IGF2R: variants seen among roughly 807,000 people sequenced by gnomAD.
IGF2R encodes the protein insulin like growth factor 2 receptor.
Under a neutral mutation model 270.6 loss-of-function variants are expected in IGF2R, and 91 were observed. The observed-to-expected ratio is 0.34, with a 90% CI of 0.28 to 0.40. The LOEUF (loss-of-function observed/expected upper bound fraction) is 0.40. Among genes scored for constraint, IGF2R ranks in the 10% least tolerant of loss-of-function variants. The pLI, the probability that IGF2R is intolerant of heterozygous loss-of-function variation, is 1.00. For synonymous variants in IGF2R, 1,316 were observed against 1,258.9 expected (o/e 1.05, Z -0.96); for missense variants, 2,805 against 3,188.3 (o/e 0.88, Z 2.90).
chr6:160,065,934 G>T (rs990448945), intron 29 of IGF2R, among the ~76,000 whole-genome samples: 5 of 147,548 alleles, frequency 3.4e-5, no homozygotes, highest in African/African-American at 1.3e-4. Flanking sequence ...CTCCTCCCTG[G>T]TTCAAGCAAT....
intron 1 of IGF2R, among the ~76,000 whole-genome samples, chr6:159,971,793 G>A (rs1226419485): frequency 1.3e-5 from 2 of 152,170 alleles, no homozygotes; most frequent in African/African-American, 2.4e-5. Flanking sequence ...GATTACAGGT[G>A]TGTGCCACCC....
At position 160,058,974 on chromosome 6, in the gene IGF2R, A is replaced by G. The variant is rs1241623690; in HGVS notation, c.2967A>G (p.Ala989=). ...ILGKPASGCE[A]ETQTEELKNW... The stretch of plus-strand genomic sequence containing the variant: ...GAAAACCTGCTTCTGGCTGTGAGGC[A>G]GAAACCCAAACTGAAGAGCTCAAGA... Residue 989 remains alanine (A), a synonymous_variant, in exon 22 of 48, where the codon GCA becomes GCG. Transcript: ENST00000356956. The G allele has an allele frequency of 6.2e-7, 1 of 1,614,232 alleles. No individual in the cohort carries two copies. Among genetic ancestry groups the G allele is most frequent in the East Asian group, 2.2e-5 (1 of 44,894 alleles).
In IGF2R at chr6:160,060,551, C is replaced by A; in HGVS notation, c.3096C>A (p.Thr1032=). Residue 1032 remains threonine (T), a synonymous_variant, in exon 23 of 48, where the codon ACC becomes ACA. Coordinates refer to ENST00000356956, the MANE Select transcript of IGF2R (RefSeq NM_000876.4). ...TYKGPLSAKG[T]ADAFIVRFVC... Reference sequence around the variant, plus strand: ...CTGGGCCTTCTTGCTTTACAGGTACCGCTGATGCTTTTATCGTCCGCTTTG... The same window carrying A: ...CTGGGCCTTCTTGCTTTACAGGTACAGCTGATGCTTTTATCGTCCGCTTTG... The A allele has an allele frequency of 6.2e-7, 1 of 1,614,184 alleles. No individual in the cohort carries two copies. The highest frequency in any genetic ancestry group is 1.7e-5 in the Admixed American group (1 of 60,036).
At position 160,103,741 on chromosome 6, in the gene IGF2R, T is replaced by C. The variant is rs2297370; in HGVS notation, c.6996-5T>C. 1.9e-6 allele frequency: 3 copies of C among 1,602,690 alleles called. No homozygotes were observed. Among genetic ancestry groups the C allele is most frequent in the African/African-American group, 1.3e-5 (1 of 74,694 alleles). On this transcript the variant is annotated splice_region_variant and splice_polypyrimidine_tract_variant and intron_variant, in intron 46 of 47. Transcript: ENST00000356956. ...GAGTAATTATTGTCTCCTTTTTTTT[T>C]ATAGGGAAACAGTGATAAGTAAGCT...
At chr6:160,039,306 A>G (rs1777891362) in intron 10 of IGF2R, among the ~76,000 whole-genome samples, 1 of 152,232 alleles carries the variant, frequency 6.6e-6, no homozygotes, top group African/African-American at 2.4e-5. Flanking sequence ...ATATCTAAAC[A>G]TAGAAAAGGT....
At chr6:160,067,329 T>G (rs1322576517) in intron 29 of IGF2R, among the ~76,000 whole-genome samples, 1 of 152,164 alleles carries the variant, frequency 6.6e-6, no homozygotes, top group Non-Finnish European at 1.5e-5. Context: ...TCACGCCTTC[T>G]CTGGCTCCAC....
At position 160,032,681 on chromosome 6, in the gene IGF2R, C is replaced by T. The variant is rs1159130292; in HGVS notation, c.1013C>T (p.Ser338Phe). 6 of 1,614,098 alleles carry T rather than the reference C, an allele frequency of 3.7e-6. No homozygotes were observed. The highest frequency in any genetic ancestry group is 5.1e-6 in the Non-Finnish European group (6 of 1,180,022). Residue 338 changes from serine (S) to phenylalanine (F), a missense_variant, in exon 8 of 48, where the codon TCC becomes TTC. Ser to Phe is a radical substitution (Grantham distance 155, BLOSUM62 -2). Coordinates refer to ENST00000356956, the MANE Select transcript of IGF2R (RefSeq NM_000876.4). The stretch of plus-strand genomic sequence containing the variant: ...CTGAGCGGCGAGCAGCAGGATGTCT[C>T]CATAGACCTCACACCACTTGCCCAG... Reference protein sequence around the residue: ...CSLSGEQQDVSIDLTPLAQSG... With the variant: ...CSLSGEQQDVFIDLTPLAQSG...
Position 160,061,412 on chromosome 6 carries a change from G to A in IGF2R, c.3263-91G>A, listed in dbSNP as rs142113581. 111 of 1,177,514 alleles carry A rather than the reference G, an allele frequency of 9.4e-5. No homozygotes were observed. In the Middle Eastern group the frequency reaches 1.5e-3, roughly 16 times the overall value. The allele number at this position is 1,177,514 out of a possible 1,614,324, so 72.9% of individuals were successfully genotyped here. A position where few individuals can be genotyped will look rare whatever the true frequency, so the allele number is the denominator to read the frequency against. ...TCACAGTTAGGAATGCCAGGTTCAC[G>A]CCTCCTCAGGGCTTATTTAGGGTGA... On this transcript the variant is annotated intron_variant, in intron 23 of 47. Coordinates refer to ENST00000356956, the MANE Select transcript of IGF2R (RefSeq NM_000876.4).
chr6:160,000,893 G>A (rs371443947), intron 2 of IGF2R, among the ~76,000 whole-genome samples: 3 of 151,896 alleles, frequency 2.0e-5, no homozygotes, highest in Admixed American at 6.5e-5. Flanking sequence ...CACCATGTCC[G>A]GCTAATTTTT....
In IGF2R at chr6:160,061,800, C is replaced by G; in HGVS notation, c.3454C>G (p.Leu1152Val). 1.2e-6 allele frequency: 2 copies of G among 1,614,198 alleles called. No individual in the cohort carries two copies. The highest frequency in any genetic ancestry group is 4.5e-5 in the East Asian group (2 of 44,886). The change falls in exon 25 of 48, where the codon CTG (leucine) becomes GTG (valine). Residue 1152 changes from leucine to valine, a missense_variant. This residue lies in a region of IGF2R where 1,851 missense variants were observed against 2,207.2 expected (regional missense o/e 0.84). Transcript: ENST00000356956. Reference sequence around the variant, plus strand: ...AGTGTCAGAAGGCAATAGCTGGAATCTGGGTGTGGTGCAGATGAGTCCCCA... The same window carrying G: ...AGTGTCAGAAGGCAATAGCTGGAATGTGGGTGTGGTGCAGATGAGTCCCCA... ...CLVSEGNSWN[L>V]GVVQMSPQAA...
chr6:160,049,750 A>G (rs1778151759), intron 18 of IGF2R, among the ~76,000 whole-genome samples: 1 of 152,210 alleles, frequency 6.6e-6, no homozygotes, highest in South Asian at 2.1e-4. Context: ...TCTGTAAAAT[A>G]AAGAGAGTAG....
chr6:160,105,006 T>G lies in IGF2R; in HGVS notation c.7398T>G (p.Ser2466=). The part of the protein sequence containing the change: ...GEKARKGKSS[S]AQQKTVSSTK... ...AGGCGAGGAAAGGGAAGTCCAGCTC[T>G]GCACAGCAGAAGACAGTGAGCTCCA... Residue 2466 remains serine, a synonymous_variant, in exon 48 of 48, where the codon TCT becomes TCG. Coordinates refer to ENST00000356956, the MANE Select transcript of IGF2R (RefSeq NM_000876.4). 1.2e-6 allele frequency: 2 copies of G among 1,613,772 alleles called. No homozygotes were observed. Among genetic ancestry groups the G allele is most frequent in the Non-Finnish European group, 1.7e-6 (2 of 1,179,898 alleles).
intron 44 of IGF2R, chr6:160,093,554 G>A (rs1779279385): frequency 2.8e-5 from 18 of 642,518 alleles, no homozygotes; most frequent in South Asian, 2.6e-4. Context: ...AGAACAGGAC[G>A]ATTTCCAGGG....
rs1159093885 is a variant in IGF2R, at chr6:160,075,855, C to T, written c.5175C>T (p.Gly1725=). 1.2e-6 allele frequency: 2 copies of T among 1,613,250 alleles called. No homozygotes were observed. The highest frequency in any genetic ancestry group is 2.2e-5 in the East Asian group (1 of 44,880). Residue 1725 remains glycine (G), a synonymous_variant, in exon 36 of 48, where the codon GGC becomes GGT. Coordinates refer to ENST00000356956, the MANE Select transcript of IGF2R (RefSeq NM_000876.4). ...CCTCGCTCTTTGTTTAGGATATCGG[C>T]CGGGTAGCAGGACCACCAATACTCA... The part of the protein sequence containing the change: ...VPIDGPPIDI[G]RVAGPPILNP...
At chr6:160,057,848 G>A (rs1218353904) in intron 20 of IGF2R, among the ~76,000 whole-genome samples, 175 bp from the exon 21 acceptor site, 2 of 152,184 alleles carry the variant, frequency 1.3e-5, no homozygotes, top group African/African-American at 2.4e-5. Flanking sequence ...CTTCAGGGTG[G>A]TGTATTTGAA....
chr6:159,976,124 C>T (rs1239405521), intron 1 of IGF2R, among the ~76,000 whole-genome samples: 1 of 152,102 alleles, frequency 6.6e-6, no homozygotes, highest in Admixed American at 6.5e-5. Context: ...CTGGCCCTGG[C>T]AGGCTCTTAG....
intron 27 of IGF2R, 149 bp from the exon 28 acceptor site, chr6:160,064,252 A>C: frequency 2.3e-6 from 2 of 887,546 alleles, no homozygotes; most frequent in Non-Finnish European, 3.7e-6. Flanking sequence ...CCCAAAGTGT[A>C]ATGTGACAGG....
At chr6:160,021,174 T>A (rs1777424391) in intron 4 of IGF2R, among the ~76,000 whole-genome samples, 1 of 151,870 alleles carries the variant, frequency 6.6e-6, no homozygotes, top group Non-Finnish European at 1.5e-5. Context: ...GACATACAAA[T>A]GGCCAAGAAT....
intron 37 of IGF2R, among the ~76,000 whole-genome samples, chr6:160,079,212 C>G (rs1440952677): frequency 1.3e-5 from 2 of 152,330 alleles, no homozygotes; most frequent in East Asian, 3.9e-4. Context: ...GTCGGCTCTG[C>G]TCATTCACTC....
Sources: allele counts gnomAD v4.1 joint callset (sites outside exome capture counted in the v4.1 genomes callset), GRCh38; gene constraint gnomAD v4.1.1; regional missense constraint gnomAD v4.1.1; transcripts MANE v1.5; gene names NCBI Gene and HGNC (gene_info 2026-07-23, HGNC 2026-07-21).